Variants in TASP1 observed in about 807,000 individuals in gnomAD.
TASP1 encodes the protein threonine aspartase 1.
A neutral mutation model predicts 56.6 loss-of-function variants in TASP1; 16 were observed. The ratio of observed to expected loss-of-function variants is 0.28; its 90% CI spans 0.19 to 0.43. The LOEUF (loss-of-function observed/expected upper bound fraction) is 0.43, where lower values mean the gene tolerates loss of function less well. Ranked by LOEUF, TASP1 falls within the 20% of genes least tolerant of loss-of-function variation. The pLI, the probability that TASP1 is intolerant of heterozygous loss-of-function variation, is 1.00. For synonymous variants in TASP1, 179 were observed against 184.2 expected (o/e 0.97, Z 0.23); for missense variants, 393 against 511.6 (o/e 0.77, Z 2.24).
chr20:13,522,100 C>T (rs1054615597), intron 10 of TASP1, among the ~76,000 whole-genome samples: 1 of 152,064 alleles, frequency 6.6e-6, no homozygotes, highest in African/African-American at 2.4e-5. Context: ...AAGGAGCCAC[C>T]GTAGCTGGAA....
chr20:13,437,566 A>T (rs1228355688), intron 11 of TASP1, among the ~76,000 whole-genome samples: 1 of 152,166 alleles, frequency 6.6e-6, no homozygotes, highest in African/African-American at 2.4e-5. Context: ...AGGAAATCAA[A>T]TTGTCCCTGT....
chr20:13,164,232 G>C, the TASP1 span: 4 of 412,094 alleles, frequency 9.7e-6, no homozygotes, highest in Non-Finnish European at 2.0e-5. Flanking sequence ...GTCCCTGTGA[G>C]TTAAGTTCTA....
chr20:13,221,944 C>CGG, the TASP1 span: 2 of 1,311,544 alleles, frequency 1.5e-6, no homozygotes, highest in Non-Finnish European at 1.9e-6. Context: ...GGGCCGTGCG[C>CGG]GGCTGCGGGG....
chr20:13,558,023 C>T (rs754699659), intron 8 of TASP1, among the ~76,000 whole-genome samples: 24 of 151,902 alleles, frequency 1.6e-4, no homozygotes, highest in Admixed American at 1.2e-3. Flanking sequence ...TATCCTTTGC[C>T]GGCAGAAAAT....
intron 13 of TASP1, among the ~76,000 whole-genome samples, chr20:13,414,193 GTTTC>G (rs532398969): frequency 1.3e-3 from 203 of 152,112 alleles, no homozygotes; most frequent in African/African-American, 4.5e-3. Flanking sequence ...TGAAGAACAC[GTTTC>G]TTTCTTTCTT....
chr20:13,363,424 A>C, the TASP1 span, among the ~76,000 whole-genome samples: 1 of 152,172 alleles, frequency 6.6e-6, no homozygotes, highest in Non-Finnish European at 1.5e-5. Context: ...TGTGCTCTGA[A>C]ATCTTTGCCC....
At chr20:13,536,545 A>G (rs2045426195) in intron 8 of TASP1, among the ~76,000 whole-genome samples, 2 of 152,196 alleles carry the variant, frequency 1.3e-5, no homozygotes. Flanking sequence ...AACAATAACA[A>G]CAGAGAAGTC....
chr20:13,257,360 C>T, the TASP1 span, among the ~76,000 whole-genome samples: 1 of 151,964 alleles, frequency 6.6e-6, no homozygotes, highest in Non-Finnish European at 1.5e-5. Flanking sequence ...ACTAAAAATA[C>T]AAAAAAATTA....
At chr20:13,209,030 G>C in the TASP1 span, among the ~76,000 whole-genome samples, 2 of 152,174 alleles carry the variant, frequency 1.3e-5, no homozygotes, top group African/African-American at 4.8e-5. Flanking sequence ...GCATGTAAAA[G>C]GCTGCAATGT....
At chr20:13,253,810 C>T in the TASP1 span, among the ~76,000 whole-genome samples, 2 of 151,724 alleles carry the variant, frequency 1.3e-5, no homozygotes, top group Non-Finnish European at 2.9e-5. Context: ...GTTCAGATAT[C>T]TTAAAATTTA....
the TASP1 span, among the ~76,000 whole-genome samples, chr20:13,296,577 C>G: frequency 2.6e-5 from 4 of 151,952 alleles, no homozygotes; most frequent in Non-Finnish European, 5.9e-5. Context: ...GTGGCATGAT[C>G]AGATAGTAGA....
intron 9 of TASP1, among the ~76,000 whole-genome samples, chr20:13,529,671 G>A (rs1350760137): frequency 6.6e-6 from 1 of 152,124 alleles, no homozygotes; most frequent in Non-Finnish European, 1.5e-5. Context: ...AATACATTCA[G>A]TATTCCCTGC....
chr20:13,416,779 A>G (rs976370121), intron 13 of TASP1, among the ~76,000 whole-genome samples: 1 of 152,226 alleles, frequency 6.6e-6, no homozygotes, highest in East Asian at 1.9e-4. Context: ...AATAAAATCC[A>G]CAAATCATGT....
intron 13 of TASP1, among the ~76,000 whole-genome samples, chr20:13,399,923 G>GT (rs1231084747): frequency 1.3e-5 from 2 of 152,150 alleles, no homozygotes; most frequent in African/African-American, 4.8e-5. Context: ...CTACTTGAGA[G>GT]TGTTTGCACC....
intron 4 of TASP1, among the ~76,000 whole-genome samples, chr20:13,588,294 GAAGGAAGGAAGGAAGA>G (rs1568618138): frequency 2.6e-5 from 3 of 117,644 alleles, no homozygotes; most frequent in African/African-American, 9.5e-5. Flanking sequence ...AGGAAGGAAG[GAAGGAAGGAAGGAAGA>G]GAAAGAAAAG....
chr20:13,338,958 C>A, the TASP1 span, among the ~76,000 whole-genome samples: 3 of 152,128 alleles, frequency 2.0e-5, no homozygotes, highest in African/African-American at 7.2e-5. Flanking sequence ...CATGCATGCA[C>A]ACATATACAT....
At chr20:13,604,964 A>G (rs2048093051) in intron 4 of TASP1, among the ~76,000 whole-genome samples, 1 of 147,958 alleles carries the variant, frequency 6.8e-6, no homozygotes, top group Non-Finnish European at 1.5e-5. Flanking sequence ...AAATTCACAT[A>G]AAGTCTACAT....
the TASP1 span, among the ~76,000 whole-genome samples, chr20:13,160,613 C>T: frequency 6.6e-6 from 1 of 152,298 alleles, no homozygotes; most frequent in African/African-American, 2.4e-5. Context: ...TTTATTGTCC[C>T]TCGATTTCCA....
At chr20:13,236,875 G>A in the TASP1 span, among the ~76,000 whole-genome samples, 1 of 152,228 alleles carries the variant, frequency 6.6e-6, no homozygotes, top group Admixed American at 6.5e-5. Context: ...CTGCCCCCGG[G>A]GCTTTGCAGG....
Sources: allele counts gnomAD v4.1 joint callset (sites outside exome capture counted in the v4.1 genomes callset), GRCh38; gene constraint gnomAD v4.1.1; transcripts MANE v1.5; gene names NCBI Gene and HGNC (gene_info 2026-07-23, HGNC 2026-07-21).